RANBP2: variants seen among roughly 807,000 people sequenced by gnomAD.
RANBP2 encodes the protein RAN binding protein 2, also known as E3 SUMO-protein ligase RanBP2.
A neutral mutation model predicts 303.6 loss-of-function variants in RANBP2; 57 were observed. That is an observed-to-expected ratio of 0.19 (90% CI 0.15 to 0.23). The LOEUF (loss-of-function observed/expected upper bound fraction) is 0.23. Ranked by LOEUF, RANBP2 falls within the 10% of genes least tolerant of loss-of-function variation. The pLI is 1.00. For missense variants in RANBP2, 3,138 were observed against 3,780.8 expected (o/e 0.83, Z 4.46); for synonymous variants, 1,167 against 1,301.5 (o/e 0.90, Z 2.23).
At chr2:109,030,490 G>A in the RANBP2 span, among the ~76,000 whole-genome samples, 1 of 152,182 alleles carries the variant, frequency 6.6e-6, no homozygotes, top group Non-Finnish European at 1.5e-5. Flanking sequence ...GGTGCATTCT[G>A]GATAGACAGT....
At chr2:109,393,193 G>A in the RANBP2 span, among the ~76,000 whole-genome samples, 10 of 152,310 alleles carry the variant, frequency 6.6e-5, no homozygotes, top group South Asian at 1.0e-3. Context: ...GGCCTCTGCC[G>A]CACTCAGCCA....
the RANBP2 span, among the ~76,000 whole-genome samples, chr2:109,434,237 C>T: frequency 1.3e-5 from 2 of 152,238 alleles, no homozygotes; most frequent in East Asian, 1.9e-4. Flanking sequence ...TGGGCTCGCC[C>T]GCCCTGCTGG....
chr2:109,348,843 T>C, the RANBP2 span, among the ~76,000 whole-genome samples: 480 of 152,212 alleles, frequency 3.2e-3, 3 homozygotes, highest in African/African-American at 0.011. Context: ...CAGATGTAAA[T>C]GACAGAGCCA....
the RANBP2 span, among the ~76,000 whole-genome samples, chr2:109,314,182 G>A: frequency 6.6e-6 from 1 of 152,154 alleles, no homozygotes; most frequent in Non-Finnish European, 1.5e-5. Context: ...GGAGACCAGC[G>A]GGTGGGTGTC....
Position 108,731,310 on chromosome 2 carries a change from T to G in RANBP2, c.253-12T>G, listed in dbSNP as rs1379456769. 9.3e-6 allele frequency: 15 copies of G among 1,610,224 alleles called. No individual in the cohort carries two copies. The highest frequency in any genetic ancestry group is 1.1e-5 in the Non-Finnish European group (13 of 1,179,018). On this transcript the variant is annotated splice_polypyrimidine_tract_variant and intron_variant, in intron 3 of 28. Coordinates refer to ENST00000283195, the MANE Select transcript of RANBP2 (RefSeq NM_006267.5). ...TTTATTTACTAATCTTTAATTTCTT[T>G]TCTGATATTAGCGTTCAGTGGAATT...
chr2:108,764,966 T>A lies in RANBP2; in HGVS notation c.4427T>A (p.Phe1476Tyr). Residue 1476 changes from phenylalanine to tyrosine, a missense_variant, in exon 20 of 29, where the codon TTT becomes TAT. Coordinates refer to ENST00000283195, the MANE Select transcript of RANBP2 (RefSeq NM_006267.5). ...ATTAACAGTGATTTCAGATCTGTTTTTTCTACAAAGGAAGGACAGTGGGAT... is the reference window on the plus strand; with the variant it reads ...ATTAACAGTGATTTCAGATCTGTTTATTCTACAAAGGAAGGACAGTGGGAT... ...KPINSDFRSV[F>Y]STKEGQWDCS... 1 of 1,614,100 alleles carries A rather than the reference T, an allele frequency of 6.2e-7. No homozygotes were observed. The highest frequency in any genetic ancestry group is 1.3e-5 in the African/African-American group (1 of 75,056).
the RANBP2 span, among the ~76,000 whole-genome samples, chr2:109,093,756 T>C: frequency 6.6e-6 from 1 of 152,240 alleles, no homozygotes; most frequent in Admixed American, 6.5e-5. Flanking sequence ...ATATTTTTTC[T>C]TCTCAGTACA....
the RANBP2 span, among the ~76,000 whole-genome samples, chr2:109,421,659 C>G: frequency 6.6e-6 from 1 of 152,196 alleles, no homozygotes; most frequent in Non-Finnish European, 1.5e-5. Flanking sequence ...TGGGCTTCTC[C>G]CCCAGGGGAG....
the RANBP2 span, among the ~76,000 whole-genome samples, chr2:109,699,760 A>C: frequency 6.6e-6 from 1 of 152,116 alleles, no homozygotes; most frequent in Admixed American, 6.6e-5. Context: ...TCAGGGGTCA[A>C]CTGTTAGCTG....
the RANBP2 span, among the ~76,000 whole-genome samples, chr2:109,297,250 C>T: frequency 6.6e-6 from 1 of 152,128 alleles, no homozygotes; most frequent in Non-Finnish European, 1.5e-5. Context: ...CCATCATCAT[C>T]ATCGTCATCA....
the RANBP2 span, among the ~76,000 whole-genome samples, chr2:109,420,413 C>T: frequency 2.0e-5 from 3 of 152,052 alleles, no homozygotes; most frequent in Non-Finnish European, 4.4e-5. Flanking sequence ...TGTTACAGAA[C>T]AGGATTTTTT....
the RANBP2 span, among the ~76,000 whole-genome samples, chr2:109,007,334 C>T: frequency 1.4e-4 from 21 of 152,360 alleles, no homozygotes; most frequent in East Asian, 3.9e-3. Context: ...GGGAACACAC[C>T]TCCATCAGTA....
At chr2:109,529,743 G>A in the RANBP2 span, among the ~76,000 whole-genome samples, 1 of 152,188 alleles carries the variant, frequency 6.6e-6, no homozygotes, top group African/African-American at 2.4e-5. Flanking sequence ...GTCATAAGAG[G>A]TCACCTCACC....
the RANBP2 span, among the ~76,000 whole-genome samples, chr2:109,642,216 C>T: frequency 6.6e-6 from 1 of 152,162 alleles, no homozygotes; most frequent in South Asian, 2.1e-4. Flanking sequence ...AGCCACTGCA[C>T]CTGGCTGCTT....
chr2:109,433,118 C>T, the RANBP2 span, among the ~76,000 whole-genome samples: 1 of 152,114 alleles, frequency 6.6e-6, no homozygotes. Flanking sequence ...TGTGCACGTG[C>T]GTATGCATAC....
chr2:108,731,271 A>G (rs1695147272), intron 3 of RANBP2, 51 bp from the exon 4 acceptor site: 6 of 1,589,760 alleles, frequency 3.8e-6, no homozygotes, highest in Non-Finnish European at 5.1e-6. Context: ...ATACTCCTAC[A>G]TACATACATA....
chr2:109,292,110 G>A, the RANBP2 span, among the ~76,000 whole-genome samples: 5 of 152,182 alleles, frequency 3.3e-5, no homozygotes, highest in South Asian at 2.1e-4. Context: ...TGATCTGCCC[G>A]CCTCAGCCTC....
the RANBP2 span, among the ~76,000 whole-genome samples, chr2:109,098,036 G>A: frequency 1.3e-5 from 2 of 152,188 alleles, no homozygotes; most frequent in Admixed American, 6.5e-5. Context: ...CAGGAACAGG[G>A]TGAGGGAGCA....
the RANBP2 span, among the ~76,000 whole-genome samples, chr2:108,837,255 A>G: frequency 6.6e-6 from 1 of 152,114 alleles, no homozygotes; most frequent in Non-Finnish European, 1.5e-5. Flanking sequence ...AGGGCGTTGA[A>G]TCTTGTTCAG....
Sources: gnomAD v4.1 joint callset for allele counts (sites outside exome capture counted in the v4.1 genomes callset) on GRCh38, gnomAD v4.1.1 for gene constraint, MANE v1.5 for transcripts, NCBI Gene and HGNC (gene_info 2026-07-23, HGNC 2026-07-21) for gene names.